The following HS6ST3 variants were observed in gnomAD, a reference collection of about 807,000 sequenced individuals.
HS6ST3 encodes heparan sulfate 6-O-sulfotransferase 3.
In HS6ST3, 12 loss-of-function variants were observed where a neutral mutation model predicts 36.7. The ratio of observed to expected loss-of-function variants is 0.33; its 90% confidence interval spans 0.21 to 0.53. HS6ST3 has a LOEUF of 0.53. Among genes scored for constraint, HS6ST3 ranks in the 20% least tolerant of loss-of-function variants. HS6ST3 has a pLI of 0.95. For missense variants in HS6ST3, 584 were observed against 640.9 expected (o/e 0.91, Z 0.96); for synonymous variants, 240 against 257.5 (o/e 0.93, Z 0.65).
chr13:96,575,378 A>G (rs907326632), intron 1 of HS6ST3, among the ~76,000 whole-genome samples: 3 of 152,190 alleles, frequency 2.0e-5, no homozygotes, highest in Non-Finnish European at 2.9e-5. Context: ...AGTTGGACCT[A>G]TGTTCTCAGA....
intron 1 of HS6ST3, among the ~76,000 whole-genome samples, chr13:96,205,396 G>A (rs540603566): frequency 1.3e-3 from 200 of 152,156 alleles, no homozygotes; most frequent in African/African-American, 4.6e-3. Context: ...TCTACCAGAC[G>A]TACACTGAAG....
intron 1 of HS6ST3, among the ~76,000 whole-genome samples, chr13:96,093,565 C>CT (rs11451045): frequency 0.87 from 132,466 of 151,948 alleles, 57,915 homozygotes; most frequent in East Asian, 0.91. Context: ...TTCTGGTTTC[C>CT]TTTCTTTCTA....
chr13:96,827,692 T>C (rs897866415), intron 1 of HS6ST3, among the ~76,000 whole-genome samples: 1 of 152,224 alleles, frequency 6.6e-6, no homozygotes, highest in Non-Finnish European at 1.5e-5. Context: ...TTAGGACTTA[T>C]TTTACTCATG....
chr13:96,272,646 A>G (rs2054726869), intron 1 of HS6ST3, among the ~76,000 whole-genome samples: 1 of 152,028 alleles, frequency 6.6e-6, no homozygotes, highest in Admixed American at 6.6e-5. Context: ...AGTGCTTTAT[A>G]TTAGGGTTTT....
chr13:96,824,401 G>A (rs571282445), intron 1 of HS6ST3, among the ~76,000 whole-genome samples: 6 of 152,116 alleles, frequency 3.9e-5, no homozygotes, highest in Non-Finnish European at 7.3e-5. Context: ...ATGATACTTC[G>A]CAATTCTAGT....
chr13:96,424,649 T>C (rs2055577655), intron 1 of HS6ST3, among the ~76,000 whole-genome samples: 1 of 152,168 alleles, frequency 6.6e-6, no homozygotes, highest in African/African-American at 2.4e-5. Flanking sequence ...TCTGGGTCCT[T>C]AGACGGCAAA....
At chr13:96,474,250 T>G (rs2055852742) in intron 1 of HS6ST3, among the ~76,000 whole-genome samples, 1 of 152,172 alleles carries the variant, frequency 6.6e-6, no homozygotes, top group Non-Finnish European at 1.5e-5. Context: ...TTAATCACAC[T>G]GAGTTGTTAG....
chr13:96,477,591 G>A (rs35328815), intron 1 of HS6ST3, among the ~76,000 whole-genome samples: 8,059 of 152,084 alleles, frequency 0.053, 249 homozygotes, highest in Middle Eastern at 0.092. Context: ...GTTACCGGCC[G>A]GGCACGGTGG....
At chr13:96,459,549 G>A (rs148505280) in intron 1 of HS6ST3, among the ~76,000 whole-genome samples, 7 of 152,274 alleles carry the variant, frequency 4.6e-5, no homozygotes, top group South Asian at 2.1e-4. Context: ...GGGTAGGCAC[G>A]CAGTTTTGGA....
intron 1 of HS6ST3, among the ~76,000 whole-genome samples, chr13:96,433,157 C>T (rs1057473017): frequency 2.6e-5 from 4 of 152,120 alleles, no homozygotes; most frequent in South Asian, 2.1e-4. Context: ...ATAAAATTCT[C>T]GGTTCTGATA....
At chr13:96,698,099 G>A (rs894158208) in intron 1 of HS6ST3, among the ~76,000 whole-genome samples, 1 of 151,944 alleles carries the variant, frequency 6.6e-6, no homozygotes, top group East Asian at 1.9e-4. Context: ...CAACGTGCAG[G>A]TTTGTTACAT....
In HS6ST3 at chr13:96,504,892, TG is replaced by T. The variant is rs1330971407; in HGVS notation, c.708-327597del. ...CAATACTACAATTTCAAGATGTAAC[TG>T]CTAAATGTAAAAATAAAATTTAAGA... On this transcript the variant is annotated intron_variant, in intron 1 of 1. Transcript: ENST00000376705. 1.0e-3 allele frequency among the ~76,000 whole-genome samples: 154 copies of T among 152,274 alleles called. 4 individuals carry two copies. The highest frequency in any genetic ancestry group is 9.9e-3 in the Admixed American group (151 of 15,276).
chr13:96,374,274 A>G (rs532266088), intron 1 of HS6ST3, among the ~76,000 whole-genome samples: 2 of 152,338 alleles, frequency 1.3e-5, no homozygotes, highest in South Asian at 2.1e-4. Flanking sequence ...TTGACAATCA[A>G]TAATTGGGAC....
chr13:96,470,746 CT>C (rs1479688356), intron 1 of HS6ST3, among the ~76,000 whole-genome samples: 2 of 152,138 alleles, frequency 1.3e-5, no homozygotes, highest in African/African-American at 4.8e-5. Context: ...GGCCATTGCC[CT>C]TTTTTGCTCA....
intron 1 of HS6ST3, among the ~76,000 whole-genome samples, chr13:96,518,342 T>C (rs1409482646): frequency 6.6e-6 from 1 of 152,174 alleles, no homozygotes; most frequent in Non-Finnish European, 1.5e-5. Flanking sequence ...TATTCCCTTT[T>C]TTATGGGAAG....
chr13:96,719,621 A>G (rs1280302833), intron 1 of HS6ST3, among the ~76,000 whole-genome samples: 2 of 152,204 alleles, frequency 1.3e-5, no homozygotes, highest in Admixed American at 6.5e-5. Flanking sequence ...AGTAATTGCC[A>G]GCATAATTAC....
At chr13:96,262,228 A>G (rs1391393674) in intron 1 of HS6ST3, among the ~76,000 whole-genome samples, 1 of 152,216 alleles carries the variant, frequency 6.6e-6, no homozygotes, top group Non-Finnish European at 1.5e-5. Context: ...AAAAGTTATT[A>G]GCAGGTGGAA....
At chr13:96,736,090 A>G (rs1183039432) in intron 1 of HS6ST3, among the ~76,000 whole-genome samples, 1 of 152,180 alleles carries the variant, frequency 6.6e-6, no homozygotes. Context: ...GGAAGGAGGA[A>G]GAGAATCAGG....
chr13:96,184,218 A>AG, intron 1 of HS6ST3, among the ~76,000 whole-genome samples: 1 of 74,752 alleles, frequency 1.3e-5, no homozygotes, highest in Admixed American at 1.4e-4. Flanking sequence ...AAAAAAAAAA[A>AG]AAAAGAGAGA....
Sources: gnomAD v4.1 joint callset for allele counts (sites outside exome capture counted in the v4.1 genomes callset) on GRCh38, gnomAD v4.1.1 for gene constraint, MANE v1.5 for transcripts, NCBI Gene and HGNC (gene_info 2026-07-23, HGNC 2026-07-21) for gene names.